BLTP3B: variants seen among roughly 807,000 people sequenced by gnomAD.
BLTP3B encodes the protein UHRF1 (ICBP90) binding protein 1-like.
chr12:100,095,543 AAAG>A, the BLTP3B span: 2 of 1,040,768 alleles, frequency 1.9e-6, no homozygotes, highest in Admixed American at 2.9e-5. Context: ...ATATCTAGAT[AAAG>A]AAGATTCTTG....
At chr12:100,099,305 A>C in the BLTP3B span, among the ~76,000 whole-genome samples, 2 of 144,416 alleles carry the variant, frequency 1.4e-5, no homozygotes, top group Non-Finnish European at 3.1e-5. Context: ...ATTCATTTTT[A>C]TATTGAAAAA....
chr12:100,123,132 G>C, the BLTP3B span, among the ~76,000 whole-genome samples: 5 of 152,198 alleles, frequency 3.3e-5, no homozygotes, highest in Admixed American at 1.3e-4. Flanking sequence ...AAGAGAGCAG[G>C]GATCTTGTCC....
the BLTP3B span, chr12:100,051,816 A>T: frequency 6.6e-6 from 1 of 152,082 alleles, no homozygotes; most frequent in East Asian, 1.9e-4. Context: ...AGCACTTTGG[A>T]GAGAGGATCA....
At chr12:100,097,213 G>C in the BLTP3B span, 1 of 661,952 alleles carries the variant, frequency 1.5e-6, no homozygotes, top group South Asian at 3.2e-5. Context: ...CCTTTATTTT[G>C]CATTATTTTA....
chr12:100,084,926 T>A, the BLTP3B span, among the ~76,000 whole-genome samples: 1 of 152,194 alleles, frequency 6.6e-6, no homozygotes, highest in African/African-American at 2.4e-5. Flanking sequence ...TAAAGCCATA[T>A]GACTCGTCAC....
the BLTP3B span, among the ~76,000 whole-genome samples, chr12:100,127,514 A>G: frequency 6.6e-6 from 1 of 152,358 alleles, no homozygotes; most frequent in African/African-American, 2.4e-5. Flanking sequence ...GGAAGTTCAA[A>G]GTATTTATGT....
chr12:100,078,511 A>AG, the BLTP3B span, among the ~76,000 whole-genome samples: 67 of 152,296 alleles, frequency 4.4e-4, 1 homozygote, highest in African/African-American at 1.5e-3. Flanking sequence ...AAAACGACGC[A>AG]GGGTGGAGCT....
At chr12:100,135,594 T>G in the BLTP3B span, among the ~76,000 whole-genome samples, 2 of 152,062 alleles carry the variant, frequency 1.3e-5, no homozygotes, top group African/African-American at 2.4e-5. Context: ...AATTAAGCCT[T>G]CCCAATCACC....
the BLTP3B span, among the ~76,000 whole-genome samples, chr12:100,039,108 T>C: frequency 1.3e-5 from 2 of 152,108 alleles, no homozygotes; most frequent in African/African-American, 2.4e-5. Flanking sequence ...ACTCATTCTA[T>C]GGTTCTATCA....
chr12:100,120,168 G>A, the BLTP3B span, among the ~76,000 whole-genome samples: 1 of 152,146 alleles, frequency 6.6e-6, no homozygotes, highest in African/African-American at 2.4e-5. Flanking sequence ...CCTGAGATAA[G>A]GAGTTTGAGA....
At chr12:100,134,484 G>A in the BLTP3B span, among the ~76,000 whole-genome samples, 1 of 152,038 alleles carries the variant, frequency 6.6e-6, no homozygotes, top group African/African-American at 2.4e-5. Context: ...AAACATGGTG[G>A]CGGCTGCCTG....
chr12:100,129,417 CCAGT>C, the BLTP3B span, among the ~76,000 whole-genome samples: 1 of 152,144 alleles, frequency 6.6e-6, no homozygotes, highest in South Asian at 2.1e-4. Context: ...ATTTATTTCT[CCAGT>C]CAGTTAAAAA....
At chr12:100,050,313 G>A in the BLTP3B span, 14 of 1,597,822 alleles carry the variant, frequency 8.8e-6, no homozygotes, top group African/African-American at 2.7e-5. Context: ...ATACCACAAC[G>A]GACATCTATT....
At chr12:100,100,509 A>G in the BLTP3B span, among the ~76,000 whole-genome samples, 1 of 151,934 alleles carries the variant, frequency 6.6e-6, no homozygotes, top group Non-Finnish European at 1.5e-5. Flanking sequence ...CCAGGAGTTA[A>G]AATCAGCCTA....
the BLTP3B span, among the ~76,000 whole-genome samples, chr12:100,129,968 C>T: frequency 6.6e-6 from 1 of 152,024 alleles, no homozygotes; most frequent in African/African-American, 2.4e-5. Context: ...TTTTTCTTCC[C>T]CCCCTTGGGA....
At chr12:100,059,583 T>C in the BLTP3B span, 1 of 1,509,110 alleles carries the variant, frequency 6.6e-7, no homozygotes, top group South Asian at 1.3e-5. Flanking sequence ...TCCATACATC[T>C]TGAAGATAAA....
At chr12:100,083,475 A>G in the BLTP3B span, among the ~76,000 whole-genome samples, 1 of 152,274 alleles carries the variant, frequency 6.6e-6, no homozygotes, top group East Asian at 1.9e-4. Flanking sequence ...GTGAATACAA[A>G]GGTATAGCTA....
the BLTP3B span, among the ~76,000 whole-genome samples, chr12:100,118,333 AGTGAG>A: frequency 6.6e-6 from 1 of 152,122 alleles, no homozygotes; most frequent in Admixed American, 6.6e-5. Flanking sequence ...TTGAGGCTGC[AGTGAG>A]TCATAATCAC....
chr12:100,142,491 C>T, the BLTP3B span: 1 of 1,340,400 alleles, frequency 7.5e-7, no homozygotes, highest in Non-Finnish European at 1.0e-6. Context: ...AGGTCGCCTC[C>T]CGCACAGCCG....
Sources: allele counts gnomAD v4.1 joint callset (sites outside exome capture counted in the v4.1 genomes callset), GRCh38; gene constraint gnomAD v4.1.1; transcripts MANE v1.5; gene names NCBI Gene and HGNC (gene_info 2026-07-23, HGNC 2026-07-21).